The following GAK variants were observed in gnomAD, a reference collection of about 807,000 sequenced individuals.
GAK encodes the protein cyclin-G-associated kinase.
GAK carries 79 observed loss-of-function variants against 143.9 expected under a neutral mutation model. The observed-to-expected ratio is 0.55, with a 90% CI of 0.46 to 0.66. GAK has a LOEUF of 0.66. GAK is among the 30% of genes least tolerant of loss of function. GAK has a pLI of 0.00. For missense variants in GAK, 1,693 were observed against 1,779.7 expected (o/e 0.95, Z 0.88); for synonymous variants, 881 against 765.5 (o/e 1.15, Z -2.49).
At chr4:910,372 A>G (rs1382312407) in intron 4 of GAK, among the ~76,000 whole-genome samples, 1 of 94,494 alleles carries the variant, frequency 1.1e-5, no homozygotes, top group African/African-American at 4.2e-5. Context: ...GGCCCCCCAC[A>G]AAGCACGGGA....
At chr4:915,064 G>A (rs1722887940) in intron 1 of GAK, among the ~76,000 whole-genome samples, 1 of 92,726 alleles carries the variant, frequency 1.1e-5, no homozygotes, top group Admixed American at 1.4e-4. Context: ...AACACACACA[G>A]TCCCAGCGTG....
chr4:921,417 G>A (rs1723910115), intron 1 of GAK, among the ~76,000 whole-genome samples: 1 of 152,160 alleles, frequency 6.6e-6, no homozygotes, highest in African/African-American at 2.4e-5. Flanking sequence ...TCTGAGGGAG[G>A]CACAGAAGCA....
chr4:891,098 A>G (rs1477613514), intron 9 of GAK, among the ~76,000 whole-genome samples: 3 of 151,960 alleles, frequency 2.0e-5, no homozygotes, highest in African/African-American at 7.3e-5. Context: ...AGCTGGGACT[A>G]CAGGCATGCG....
chr4:928,931 T>C (rs1725255346), intron 1 of GAK, among the ~76,000 whole-genome samples: 1 of 152,070 alleles, frequency 6.6e-6, no homozygotes, highest in Non-Finnish European at 1.5e-5. Flanking sequence ...ACCCGGCTAA[T>C]TTTGTATTTT....
At position 859,737 on chromosome 4, in the gene GAK, C is replaced by T. The variant is rs1749947047; in HGVS notation, c.3167-15G>A. The T allele has an allele frequency of 6.4e-7, 1 of 1,555,108 alleles. No homozygotes were observed. Among genetic ancestry groups the T allele is most frequent in the Non-Finnish European group, 8.8e-7 (1 of 1,134,786 alleles). On this transcript the variant is annotated splice_polypyrimidine_tract_variant and intron_variant, in intron 23 of 27. Coordinates refer to ENST00000314167, the MANE Select transcript of GAK (RefSeq NM_005255.4). The stretch of plus-strand genomic sequence containing the variant: ...GAAGAGGGGGCCTGGAGAAGGGGCA[C>T]AGGGCATTAGAACAAGCACCATCTG...
intron 7 of GAK, among the ~76,000 whole-genome samples, chr4:895,409 T>A (rs1021457547): frequency 6.6e-6 from 1 of 152,214 alleles, no homozygotes; most frequent in African/African-American, 2.4e-5. Context: ...TCGTGCGGGA[T>A]GTGCAGAGGA....
chr4:881,539 C>G (rs1010360642), intron 15 of GAK, among the ~76,000 whole-genome samples: 3 of 152,136 alleles, frequency 2.0e-5, no homozygotes, highest in Admixed American at 2.0e-4. Context: ...TGTGACTGTA[C>G]TCATGTCTGA....
chr4:931,969 G>A (rs1350654489), intron 1 of GAK, 74 bp downstream of exon 1: 14 of 1,124,872 alleles, frequency 1.2e-5, no homozygotes, highest in Non-Finnish European at 1.7e-5. Flanking sequence ...CTTCCACTCC[G>A]GGCTGACGCT....
chr4:920,092 A>C (rs1168889301), intron 1 of GAK, among the ~76,000 whole-genome samples: 1 of 152,182 alleles, frequency 6.6e-6, no homozygotes, highest in African/African-American at 2.4e-5. Flanking sequence ...AGGGCGGATC[A>C]CAAGGTGAGA....
rs528784143 is a variant in GAK at position 851,376 on chromosome 4, G to A, written c.3509-292C>T. ...CTCCCAAAGTGCTGGGATTATAGGC[G>A]TGAGCCACAAAGCCCAGTTAAGAAC... On this transcript the variant is annotated intron_variant, in intron 25 of 27. Coordinates refer to ENST00000314167, the MANE Select transcript of GAK (RefSeq NM_005255.4). 12 of 457,706 alleles carry A rather than the reference G, an allele frequency of 2.6e-5. 1 individual carries two copies. The highest frequency in any genetic ancestry group is 8.5e-5 in the East Asian group (2 of 23,586). 28.4% of individuals were successfully genotyped at this position (457,706 alleles called of 1,614,324 possible). A position where few individuals can be genotyped will look rare whatever the true frequency, so the allele number is the denominator to read the frequency against.
intron 5 of GAK, among the ~76,000 whole-genome samples, chr4:904,133 TG>T (rs1720593308): frequency 6.8e-6 from 1 of 147,890 alleles, no homozygotes; most frequent in Non-Finnish European, 1.5e-5. Context: ...CACTACCTTG[TG>T]GTCCCTGTGG....
chr4:865,684 GGCACCCGCCCCAACGCTGCAAGGCT>G (rs2152741021), intron 22 of GAK, among the ~76,000 whole-genome samples: 1 of 152,320 alleles, frequency 6.6e-6, no homozygotes, highest in East Asian at 1.9e-4. Context: ...CACCTCTGGC[GGCACCCGCCCCAACGCTGCAAGGCT>G]GCACTCCACA....
rs899115728 is a variant in GAK, at chr4:849,435, T to C, written c.*238A>G. ...ACCAAATAAATCACAGACGTGACAA[T>C]TGCGGGAGGAGCATGAATCAGCTGT... On this transcript the variant is annotated 3_prime_UTR_variant, in exon 28 of 28. Transcript: ENST00000314167. 1.1e-4 allele frequency: 61 copies of C among 553,328 alleles called. No homozygotes were observed. Among genetic ancestry groups the C allele is most frequent in the African/African-American group, 5.3e-4 (28 of 53,018 alleles). The allele number at this position is 553,328 out of a possible 1,614,324, so 34.3% of individuals were successfully genotyped here.
chr4:918,518 G>A (rs187350614), intron 1 of GAK, among the ~76,000 whole-genome samples: 2 of 152,306 alleles, frequency 1.3e-5, no homozygotes, highest in East Asian at 1.9e-4. Context: ...AGTTACTAAC[G>A]ACAGATTACA....
intron 15 of GAK, among the ~76,000 whole-genome samples, chr4:878,532 G>A (rs184035640): frequency 6.6e-6 from 1 of 152,306 alleles, no homozygotes; most frequent in East Asian, 1.9e-4. Flanking sequence ...GAACGTCCTA[G>A]AACGCTCTAC....
rs369670061 is a variant in GAK, at chr4:882,681, C to T, written c.1527+16G>A. Reference sequence around the variant, plus strand: ...TTTGACAGAAGACGGCGCCAGCCCACGGCCCTCGAGCTCACCATGCAGTGC... The same window carrying T: ...TTTGACAGAAGACGGCGCCAGCCCATGGCCCTCGAGCTCACCATGCAGTGC... On this transcript the variant is annotated intron_variant, in intron 14 of 27. Coordinates refer to ENST00000314167, the MANE Select transcript of GAK (RefSeq NM_005255.4). The T allele has an allele frequency of 1.5e-5, 24 of 1,609,136 alleles. No individual in the cohort carries two copies. The highest frequency in any genetic ancestry group is 1.7e-4 in the Middle Eastern group (1 of 5,988).
intron 11 of GAK, 89 bp downstream of exon 11, chr4:888,758 C>T (rs368459640): frequency 3.4e-6 from 5 of 1,489,344 alleles, no homozygotes; most frequent in East Asian, 2.4e-5. Context: ...TGATGACCAG[C>T]TGTTCCACCG....
intron 27 of GAK, 59 bp from the exon 28 acceptor site, chr4:849,833 G>GGCCCCCCCCCCCCCCCCCCCCCCC: frequency 2.5e-6 from 3 of 1,190,150 alleles, no homozygotes; most frequent in Non-Finnish European, 2.3e-6. Flanking sequence ...GGCGGGGCAG[G>GGCCCCCCCCCCCCCCCCCCCCCCC]ACCCCCCCCC....
Position 932,307 on chromosome 4 carries a change from C to T in GAK, c.-120G>A. On this transcript the variant is annotated 5_prime_UTR_variant, in exon 1 of 28. Transcript: ENST00000314167. This position sits in a 1 kb window ranked among gnomAD's most constrained non-coding sequence, Gnocchi z 4.0. ...GGAGGTGCACCATCTTCCGCCTCGACGCCGTGACGTAGGCGCCCGTGAGGA... is the reference window on the plus strand; with the variant it reads ...GGAGGTGCACCATCTTCCGCCTCGATGCCGTGACGTAGGCGCCCGTGAGGA... The T allele has an allele frequency of 7.3e-7, 1 of 1,378,946 alleles. No individual in the cohort carries two copies. The highest frequency in any genetic ancestry group is 1.7e-5 in the South Asian group (1 of 60,586). 85.4% of individuals were successfully genotyped at this position (1,378,946 alleles called of 1,614,324 possible).
Sources: gnomAD v4.1 joint callset for allele counts (sites outside exome capture counted in the v4.1 genomes callset) on GRCh38, gnomAD v4.1.1 for gene constraint, Gnocchi (gnomAD v3.1) non-coding constraint, MANE v1.5 for transcripts, NCBI Gene and HGNC (gene_info 2026-07-23, HGNC 2026-07-21) for gene names.